SLIT1: variants seen among roughly 807,000 people sequenced by gnomAD.
SLIT1 encodes the protein slit homolog 1 protein.
Under a neutral mutation model 186.1 loss-of-function variants are expected in SLIT1, and 66 were observed. The ratio of observed to expected loss-of-function variants is 0.35; its 90% CI spans 0.29 to 0.44. The LOEUF is 0.44. Ranked by LOEUF, SLIT1 falls within the 20% of genes least tolerant of loss-of-function variation. SLIT1 has a pLI of 1.00. For synonymous variants in SLIT1, 761 were observed against 833.8 expected (o/e 0.91, Z 1.50); for missense variants, 1,638 against 2,037.4 (o/e 0.80, Z 3.77).
intron 1 of SLIT1, among the ~76,000 whole-genome samples, chr10:97,181,986 T>C (rs1384046189): frequency 1.3e-5 from 2 of 152,138 alleles, no homozygotes; most frequent in Non-Finnish European, 2.9e-5. Flanking sequence ...AAAAATAACT[T>C]AATGGTGACC....
At position 97,160,802 on chromosome 10, in the gene SLIT1, C is replaced by A. The variant is rs569420463; in HGVS notation, c.341+2578G>T. On this transcript the variant is annotated intron_variant, in intron 3 of 36. Coordinates refer to ENST00000266058, the MANE Select transcript of SLIT1 (RefSeq NM_003061.3). ...GCGGCATGATCTCGGCTCACCGCAA[C>A]CTCCGCCTCCCGGGTTCAAGTGATT... 2.6e-5 allele frequency among the ~76,000 whole-genome samples: 4 copies of A among 152,300 alleles called. No homozygotes were observed. The East Asian group carries it at 7.7e-4, about 29-fold the overall frequency.
At chr10:97,017,852 T>TG (rs1848467252) in intron 28 of SLIT1, among the ~76,000 whole-genome samples, 1 of 150,142 alleles carries the variant, frequency 6.7e-6, no homozygotes, top group South Asian at 2.1e-4. Flanking sequence ...TCTTTTCTTT[T>TG]TTTTTTTTTT....
intron 4 of SLIT1, among the ~76,000 whole-genome samples, chr10:97,069,463 A>G (rs890702178): frequency 1.3e-5 from 2 of 152,156 alleles, no homozygotes; most frequent in African/African-American, 4.8e-5. Context: ...TCTGCTGGGG[A>G]CCCCCAAAGA....
chr10:97,163,316 G>T, intron 3 of SLIT1, 64 bp downstream of exon 3: 2 of 1,396,624 alleles, frequency 1.4e-6, no homozygotes, highest in Non-Finnish European at 2.0e-6. Flanking sequence ...GCAGCAGCTT[G>T]GCCTGCCAGT....
At position 97,006,209 on chromosome 10, in the gene SLIT1, G is replaced by A. The variant is rs1416343426; in HGVS notation, c.3579+274C>T. Among the ~76,000 whole-genome samples the A allele has an allele frequency of 6.6e-6, 1 of 152,172 alleles. No homozygotes were observed. Among genetic ancestry groups the A allele is most frequent in the Admixed American group, 6.5e-5 (1 of 15,280 alleles). ...CTGAGGAGTAGCTGGGACAAGAAAT[G>A]GTGGGAAGGGATGATGGCAAGCCTG... On this transcript the variant is annotated intron_variant, in intron 32 of 36. Transcript: ENST00000266058. The surrounding 1 kb of genome is among the most constrained non-coding windows in gnomAD (Gnocchi z 4.0).
chr10:97,049,042 C>T lies in SLIT1; in HGVS notation c.1378G>A (p.Glu460Lys), dbSNP rs773757484. ...CTGGCACAGCGGGCACCACTCGTCT[C>T]GATGGGATTGGTGCGCAGGAAGTCT... ...LADFLRTNPI[E>K]TSGARCASPR... The change falls in exon 14 of 37, where the codon GAG (glutamate) becomes AAG (lysine). Residue 460 changes from glutamate to lysine, a missense_variant. This residue lies in a region of SLIT1 where 1,245 missense variants were observed against 1,535.3 expected (regional missense o/e 0.81). Coordinates refer to ENST00000266058, the MANE Select transcript of SLIT1 (RefSeq NM_003061.3). The T allele has an allele frequency of 6.2e-7, 1 of 1,613,538 alleles. No homozygotes were observed. Among genetic ancestry groups the T allele is most frequent in the Non-Finnish European group, 8.5e-7 (1 of 1,179,994 alleles).
chr10:97,078,324 G>A (rs1345370777), intron 4 of SLIT1, among the ~76,000 whole-genome samples: 5 of 151,912 alleles, frequency 3.3e-5, no homozygotes, highest in South Asian at 4.2e-4. Flanking sequence ...CCTGCCCACC[G>A]CGAAGCCACA....
chr10:97,049,583 A>G (rs1848769482), intron 13 of SLIT1, among the ~76,000 whole-genome samples: 1 of 152,154 alleles, frequency 6.6e-6, no homozygotes, highest in Non-Finnish European at 1.5e-5. Flanking sequence ...CCCAGTGGCC[A>G]TGGGCCCTGG....
At chr10:97,165,823 C>CTG (rs1339626243) in intron 1 of SLIT1, among the ~76,000 whole-genome samples, 2 of 152,144 alleles carry the variant, frequency 1.3e-5, no homozygotes, top group Non-Finnish European at 2.9e-5. Flanking sequence ...TCACCCCATG[C>CTG]TGGGCTGCCT....
chr10:97,039,266 G>T (rs1394846872), intron 21 of SLIT1, among the ~76,000 whole-genome samples: 2 of 152,298 alleles, frequency 1.3e-5, no homozygotes, highest in East Asian at 1.9e-4. Flanking sequence ...TCATTGGGAG[G>T]TGTCTGCTGA....
chr10:97,172,061 G>A (rs1049262697), intron 1 of SLIT1, among the ~76,000 whole-genome samples: 3 of 146,376 alleles, frequency 2.0e-5, no homozygotes, highest in Non-Finnish European at 3.0e-5. Context: ...TTTTTTTTTC[G>A]AGCCAGTGTC....
Position 97,046,670 on chromosome 10 carries a change from C to A in SLIT1, c.1837G>T (p.Asp613Tyr). The change falls in exon 18 of 37, where the codon GAT becomes TAT. Residue 613 changes from aspartate to tyrosine, a missense_variant. By Grantham distance (160) the Asp-to-Tyr change is radical. Around this residue, in one of 3 missense-constraint regions of SLIT1, gnomAD observed 1,245 missense variants for 1,535.3 expected, o/e 0.81. Coordinates refer to ENST00000266058, the MANE Select transcript of SLIT1 (RefSeq NM_003061.3). ...CACACTCACAGGGTCCTCAAGCCAT[C>A]CAGACCCCGGAACATGCCGCTCCGG... ...SIRSGMFRGLDGLRTLMLRNN... is the reference protein window; with the variant it reads ...SIRSGMFRGLYGLRTLMLRNN... The A allele has an allele frequency of 6.2e-7, 1 of 1,609,046 alleles. No homozygotes were observed. The highest frequency in any genetic ancestry group is 8.5e-7 in the Non-Finnish European group (1 of 1,179,850).
chr10:97,166,572 A>AG (rs1564692760), intron 1 of SLIT1, among the ~76,000 whole-genome samples: 8,086 of 64,980 alleles, frequency 0.12, 431 homozygotes, highest in East Asian at 0.22. Flanking sequence ...AGAGAGAGAG[A>AG]AAGAAAGAAA....
chr10:97,050,367 G>A (rs1021806501), intron 13 of SLIT1, among the ~76,000 whole-genome samples: 22 of 152,148 alleles, frequency 1.4e-4, no homozygotes, highest in African/African-American at 4.1e-4. Flanking sequence ...AGACCTTGGC[G>A]GTGCTCTCTG....
At chr10:97,055,470 T>G (rs1848828328) in intron 13 of SLIT1, among the ~76,000 whole-genome samples, 1 of 152,034 alleles carries the variant, frequency 6.6e-6, no homozygotes, top group African/African-American at 2.4e-5. Flanking sequence ...CAAGCAATCA[T>G]CCTACTTTAG....
intron 4 of SLIT1, among the ~76,000 whole-genome samples, chr10:97,073,327 G>C (rs982371995): frequency 6.6e-6 from 1 of 152,118 alleles, no homozygotes; most frequent in Admixed American, 6.6e-5. Context: ...CCTCCCACGC[G>C]GCCTTGTCAA....
chr10:97,052,106 T>G (rs1202824988), intron 13 of SLIT1, among the ~76,000 whole-genome samples: 6 of 146,372 alleles, frequency 4.1e-5, no homozygotes, highest in Non-Finnish European at 7.5e-5. Flanking sequence ...TTTTGTTTGT[T>G]TTTTTTTTTT....
intron 1 of SLIT1, among the ~76,000 whole-genome samples, chr10:97,182,104 G>A (rs558532732): frequency 6.6e-6 from 1 of 152,170 alleles, no homozygotes; most frequent in East Asian, 1.9e-4. Context: ...TCATTACAGT[G>A]AATTATTTAG....
At chr10:97,033,268 C>T (rs1848608176) in intron 23 of SLIT1, among the ~76,000 whole-genome samples, 1 of 152,096 alleles carries the variant, frequency 6.6e-6, no homozygotes, top group South Asian at 2.1e-4. Flanking sequence ...TGGAGAATGG[C>T]TGGGTCAGGG....
Sources: allele counts gnomAD v4.1 joint callset (sites outside exome capture counted in the v4.1 genomes callset), GRCh38; gene constraint gnomAD v4.1.1; regional missense constraint gnomAD v4.1.1; non-coding constraint Gnocchi (gnomAD v3.1); transcripts MANE v1.5; gene names NCBI Gene and HGNC (gene_info 2026-07-23, HGNC 2026-07-21).